The following WRN variants were observed in gnomAD, a reference collection of about 807,000 sequenced individuals.
WRN encodes bifunctional 3'-5' exonuclease/ATP-dependent helicase WRN.
In WRN, 149 loss-of-function variants were observed where a neutral mutation model predicts 180.7. The observed-to-expected ratio is 0.82, with a 90% CI of 0.72 to 0.94. The LOEUF (loss-of-function observed/expected upper bound fraction) is 0.94, where lower values mean the gene tolerates loss of function less well. Among genes scored for constraint, WRN ranks in the 40% least tolerant of loss-of-function variants. The pLI, the probability that WRN is intolerant of heterozygous loss-of-function variation, is 0.00. For synonymous variants in WRN, 548 were observed against 568.9 expected (o/e 0.96, Z 0.52); for missense variants, 1,661 against 1,700.1 (o/e 0.98, Z 0.40).
chr8:31,164,076 G>A (rs1803750976), intron 33 of WRN, among the ~76,000 whole-genome samples: 2 of 151,974 alleles, frequency 1.3e-5, no homozygotes, highest in South Asian at 4.2e-4. Flanking sequence ...AGCCTTAAGC[G>A]ATCCTCCCAC....
chr8:31,152,717 G>T (rs943795998), intron 31 of WRN, among the ~76,000 whole-genome samples: 1 of 152,148 alleles, frequency 6.6e-6, no homozygotes, highest in Non-Finnish European at 1.5e-5. Context: ...CTTAATCTTT[G>T]TTAAGAGACT....
chr8:31,120,453 G>T (rs767558017), intron 21 of WRN, 29 bp downstream of exon 21: 5 of 1,592,668 alleles, frequency 3.1e-6, no homozygotes, highest in East Asian at 2.3e-5. Flanking sequence ...TTTTACTCTT[G>T]CAGATTTCTT....
chr8:31,140,768 T>C (rs1013525811), intron 24 of WRN, among the ~76,000 whole-genome samples: 2 of 152,164 alleles, frequency 1.3e-5, no homozygotes, highest in Non-Finnish European at 2.9e-5. Flanking sequence ...TTTGTTTTGT[T>C]TTTTTGAGAT....
Position 31,073,363 on chromosome 8 carries a change from T to C in WRN, c.725-2810T>C, listed in dbSNP as rs10092746. ...GATGAATTCCCTGTAAGGGGTGAGA[T>C]GTAAAGATTCATAGAACATTAAGAT... On this transcript the variant is annotated intron_variant, in intron 7 of 34. Transcript: ENST00000298139. Among the ~76,000 whole-genome samples the C allele has an allele frequency of 3.7e-3, 564 of 152,312 alleles. 3 individuals are homozygous for C. The highest frequency in any genetic ancestry group is 0.013 in the African/African-American group (548 of 41,576).
intron 33 of WRN, among the ~76,000 whole-genome samples, chr8:31,161,520 G>GCCCAGTAGAAATACAGTGTAA (rs1803614124): frequency 1.3e-5 from 2 of 152,082 alleles, no homozygotes; most frequent in Non-Finnish European, 2.9e-5. Context: ...CATAGAAAAG[G>GCCCAGTAGAAATACAGTGTAA]CCCAGTAGAA....
intron 20 of WRN, 88 bp from the exon 21 acceptor site, chr8:31,120,155 G>A (rs563630576): frequency 3.9e-6 from 6 of 1,528,720 alleles, no homozygotes; most frequent in East Asian, 2.3e-5. Flanking sequence ...TTAAGTTAAC[G>A]AACAAATTAT....
intron 8 of WRN, among the ~76,000 whole-genome samples, chr8:31,076,848 A>C (rs1209405987): frequency 6.6e-6 from 1 of 152,208 alleles, no homozygotes; most frequent in Non-Finnish European, 1.5e-5. Context: ...TAACTTAAAA[A>C]ATTTGGATCA....
At position 31,089,099 on chromosome 8, in the gene WRN, G is replaced by T; in HGVS notation, c.1652+134G>T. On this transcript the variant is annotated intron_variant, in intron 13 of 34. Transcript: ENST00000298139. ...TTATACATGCCACACTGTATTTTCT[G>T]TGTGACTACAAAATTATTTCAAAGT... The T allele has an allele frequency of 5.6e-6, 4 of 718,808 alleles. No individual in the cohort carries two copies. In the South Asian group the frequency reaches 6.7e-5, roughly 12 times the overall value. The allele number at this position is 718,808 out of a possible 1,614,324, so 44.5% of individuals were successfully genotyped here. A position where few individuals can be genotyped will look rare whatever the true frequency, so the allele number is the denominator to read the frequency against.
At chr8:31,154,507 T>C in intron 31 of WRN, 117 bp from the exon 32 acceptor site, 1 of 1,233,810 alleles carries the variant, frequency 8.1e-7, no homozygotes, top group Non-Finnish European at 1.1e-6. Flanking sequence ...AAGGGAATTA[T>C]TTGTTGCTTA....
intron 18 of WRN, among the ~76,000 whole-genome samples, chr8:31,104,826 T>C (rs1377020162): frequency 1.3e-5 from 2 of 152,196 alleles, no homozygotes; most frequent in Admixed American, 6.5e-5. Flanking sequence ...GGTCTATTTC[T>C]GGGTTCTCTA....
chr8:31,118,313 T>A (rs1801593822), intron 20 of WRN, among the ~76,000 whole-genome samples: 1 of 152,098 alleles, frequency 6.6e-6, no homozygotes, highest in African/African-American at 2.4e-5. Context: ...TTACGAAAAT[T>A]TAAAAATTGA....
intron 6 of WRN, among the ~76,000 whole-genome samples, chr8:31,067,575 A>C (rs1812760394): frequency 6.6e-6 from 1 of 152,184 alleles, no homozygotes; most frequent in Non-Finnish European, 1.5e-5. Flanking sequence ...CTATTTTAAA[A>C]CTGGCCTTAT....
intron 19 of WRN, among the ~76,000 whole-genome samples, chr8:31,114,928 C>T (rs1387721729): frequency 1.4e-5 from 2 of 141,508 alleles, no homozygotes; most frequent in African/African-American, 5.3e-5. Flanking sequence ...TGGAGTCTTG[C>T]TCTGTCGCCC....
At chr8:31,146,892 A>G (rs990361933) in intron 28 of WRN, among the ~76,000 whole-genome samples, 161 bp from the exon 29 acceptor site, 19 of 152,212 alleles carry the variant, frequency 1.2e-4, no homozygotes, top group African/African-American at 4.3e-4. Context: ...AATGTTTAAA[A>G]TCTAGGCTGT....
At chr8:31,063,991 G>T (rs1812594739) in intron 3 of WRN, among the ~76,000 whole-genome samples, 1 of 152,016 alleles carries the variant, frequency 6.6e-6, no homozygotes, top group Non-Finnish European at 1.5e-5. Flanking sequence ...CAAAGTGCTG[G>T]GATTACAGGG....
chr8:31,093,953 T>G (rs1813857876), intron 16 of WRN, among the ~76,000 whole-genome samples: 1 of 152,226 alleles, frequency 6.6e-6, no homozygotes, highest in Non-Finnish European at 1.5e-5. Context: ...CTCTTATTGT[T>G]AAGTGGATTA....
At chr8:31,130,595 A>G (rs913470066) in intron 23 of WRN, among the ~76,000 whole-genome samples, 5 of 147,096 alleles carry the variant, frequency 3.4e-5, no homozygotes, top group African/African-American at 1.0e-4. Context: ...TTAGCGTTTA[A>G]CAATTTATAG....
intron 34 of WRN, among the ~76,000 whole-genome samples, chr8:31,172,158 T>TGTGTGC (rs1307350460): frequency 6.6e-6 from 1 of 151,828 alleles, no homozygotes; most frequent in Non-Finnish European, 1.5e-5. Flanking sequence ...TGTGTGTGTG[T>TGTGTGC]GCCTGTGTGT....
intron 8 of WRN, among the ~76,000 whole-genome samples, chr8:31,079,310 T>G (rs1813211398): frequency 6.6e-6 from 1 of 152,222 alleles, no homozygotes; most frequent in Non-Finnish European, 1.5e-5. Flanking sequence ...ATCAAATTTT[T>G]ACTTGAGTCA....
Sources: gnomAD v4.1 joint callset for allele counts (sites outside exome capture counted in the v4.1 genomes callset) on GRCh38, gnomAD v4.1.1 for gene constraint, MANE v1.5 for transcripts, NCBI Gene and HGNC (gene_info 2026-07-23, HGNC 2026-07-21) for gene names.